SULT2B1: variants seen among roughly 807,000 people sequenced by gnomAD.
The protein encoded by SULT2B1 is sulfotransferase family 2B member 1.
A neutral mutation model predicts 33.2 loss-of-function variants in SULT2B1; 16 were observed. The observed-to-expected ratio is 0.48, with a 90% CI of 0.33 to 0.73. SULT2B1 has a LOEUF of 0.73. Ranked by LOEUF, SULT2B1 falls within the 30% of genes least tolerant of loss-of-function variation. SULT2B1 has a pLI of 0.02. For synonymous variants in SULT2B1, 186 were observed against 200.5 expected (o/e 0.93, Z 0.61); for missense variants, 500 against 506.0 (o/e 0.99, Z 0.11).
At chr19:48,558,138 T>A (rs1219152976) in intron 1 of SULT2B1, among the ~76,000 whole-genome samples, 1 of 152,042 alleles carries the variant, frequency 6.6e-6, no homozygotes, top group Non-Finnish European at 1.5e-5. Flanking sequence ...CCATTTTAAC[T>A]ACTATCATCC....
intron 1 of SULT2B1, among the ~76,000 whole-genome samples, chr19:48,570,103 T>A (rs1358951673): frequency 1.3e-5 from 2 of 152,084 alleles, no homozygotes; most frequent in Non-Finnish European, 2.9e-5. Context: ...AGAGTTTACC[T>A]TCCAAGTCTG....
chr19:48,561,385 T>C (rs533832238), intron 1 of SULT2B1, among the ~76,000 whole-genome samples: 1 of 151,562 alleles, frequency 6.6e-6, no homozygotes, highest in South Asian at 2.1e-4. Flanking sequence ...GCCGAGATCG[T>C]GCCATTGCAC....
chr19:48,564,350 G>A (rs1482264438), intron 1 of SULT2B1, among the ~76,000 whole-genome samples: 3 of 151,232 alleles, frequency 2.0e-5, no homozygotes, highest in South Asian at 2.1e-4. Flanking sequence ...TCCAAAGATC[G>A]AGACCAGCCT....
intron 1 of SULT2B1, among the ~76,000 whole-genome samples, chr19:48,565,604 T>G (rs1568404481): frequency 6.6e-6 from 1 of 151,978 alleles, no homozygotes; most frequent in East Asian, 1.9e-4. Flanking sequence ...AGTCTCAAAC[T>G]CCTGACCTCT....
At chr19:48,581,440 T>C (rs1247316453) in intron 2 of SULT2B1, among the ~76,000 whole-genome samples, 3 of 150,958 alleles carry the variant, frequency 2.0e-5, no homozygotes, top group African/African-American at 7.3e-5. Context: ...CTCTTTTGAA[T>C]TGGATTGTTT....
At chr19:48,569,581 C>G (rs1203610298) in intron 1 of SULT2B1, among the ~76,000 whole-genome samples, 10 of 151,368 alleles carry the variant, frequency 6.6e-5, no homozygotes, top group African/African-American at 2.4e-4. Context: ...CCAGGCTGGT[C>G]TTGAACTCCT....
At chr19:48,574,959 A>G (rs890976091) in intron 1 of SULT2B1, among the ~76,000 whole-genome samples, 3 of 152,156 alleles carry the variant, frequency 2.0e-5, no homozygotes, top group African/African-American at 4.8e-5. Context: ...TTGAAGGCCT[A>G]CTGTGTGCGC....
At chr19:48,597,881 G>A (rs536099895) in intron 6 of SULT2B1, among the ~76,000 whole-genome samples, 3 of 151,724 alleles carry the variant, frequency 2.0e-5, no homozygotes, top group South Asian at 2.1e-4. Context: ...CTGACCACCC[G>A]CCTCTTCCTC....
At chr19:48,566,936 C>T (rs1395107946) in intron 1 of SULT2B1, among the ~76,000 whole-genome samples, 2 of 151,642 alleles carry the variant, frequency 1.3e-5, no homozygotes, top group African/African-American at 4.8e-5. Flanking sequence ...CTGGGAGGTG[C>T]TAGTTGCAGT....
At chr19:48,559,157 G>A (rs1361905119) in intron 1 of SULT2B1, among the ~76,000 whole-genome samples, 2 of 152,068 alleles carry the variant, frequency 1.3e-5, no homozygotes, top group African/African-American at 2.4e-5. Flanking sequence ...AGATGCTCAC[G>A]GTTCCCTCCT....
At chr19:48,588,461 G>A (rs185471108) in intron 3 of SULT2B1, among the ~76,000 whole-genome samples, 6 of 151,324 alleles carry the variant, frequency 4.0e-5, no homozygotes, top group African/African-American at 7.3e-5. Context: ...GTGGTGAGCC[G>A]AGATCGCGCC....
Position 48,590,286 on chromosome 19 carries a change from G to C in SULT2B1, c.424-1323G>C, listed in dbSNP as rs560835787. ...TTACAGGTGTGAGCCACAGTGCCTG[G>C]CCGACAAGACCTTGTTTCTAAAAAA... On this transcript the variant is annotated intron_variant, in intron 3 of 6. Transcript: ENST00000201586. 1.7e-4 allele frequency among the ~76,000 whole-genome samples: 26 copies of C among 152,156 alleles called. No homozygotes were observed. The South Asian group carries it at 5.2e-3, about 30-fold the overall frequency.
intron 1 of SULT2B1, among the ~76,000 whole-genome samples, chr19:48,561,196 G>A (rs1206460370): frequency 6.6e-6 from 1 of 151,788 alleles, no homozygotes; most frequent in African/African-American, 2.4e-5. Context: ...TTGGGAGGCC[G>A]AGACAGGCGG....
chr19:48,553,071 C>T (rs1973049826), intron 1 of SULT2B1, among the ~76,000 whole-genome samples: 6 of 152,118 alleles, frequency 3.9e-5, no homozygotes. Context: ...TTGGTGATGT[C>T]CCCTTTACAC....
At chr19:48,583,417 T>C (rs1476430832) in intron 2 of SULT2B1, among the ~76,000 whole-genome samples, 1 of 152,216 alleles carries the variant, frequency 6.6e-6, no homozygotes, top group African/African-American at 2.4e-5. Flanking sequence ...GCCACATTAT[T>C]TGCAATGACC....
chr19:48,587,583 A>C, intron 3 of SULT2B1, 146 bp downstream of exon 3: 2 of 902,778 alleles, frequency 2.2e-6, no homozygotes, highest in Non-Finnish European at 3.4e-6. Flanking sequence ...ACAGTGGTCA[A>C]TATACACACA....
intron 3 of SULT2B1, among the ~76,000 whole-genome samples, chr19:48,589,850 C>T (rs1463481566): frequency 6.6e-6 from 1 of 152,234 alleles, no homozygotes; most frequent in Non-Finnish European, 1.5e-5. Flanking sequence ...GTCCCAGCTA[C>T]TTGGGAGGCT....
chr19:48,589,110 G>C (rs1973608198), intron 3 of SULT2B1, among the ~76,000 whole-genome samples: 1 of 152,236 alleles, frequency 6.6e-6, no homozygotes, highest in Non-Finnish European at 1.5e-5. Context: ...AGCAGAAGCC[G>C]GGAAGCCCGA....
At chr19:48,590,143 A>G (rs1973625306) in intron 3 of SULT2B1, among the ~76,000 whole-genome samples, 1 of 151,786 alleles carries the variant, frequency 6.6e-6, no homozygotes, top group African/African-American at 2.4e-5. Context: ...GCCCACCACC[A>G]TGCCCAGCTA....
Sources: gnomAD v4.1 joint callset for allele counts (sites outside exome capture counted in the v4.1 genomes callset) on GRCh38, gnomAD v4.1.1 for gene constraint, MANE v1.5 for transcripts, NCBI Gene and HGNC (gene_info 2026-07-23, HGNC 2026-07-21) for gene names.